SGMS1: variants seen among roughly 807,000 people sequenced by gnomAD.
SGMS1 encodes sphingomyelin synthase 1.
SGMS1 carries 13 observed loss-of-function variants against 46.2 expected under a neutral mutation model. The ratio of observed to expected loss-of-function variants is 0.28; its 90% CI spans 0.18 to 0.45. The LOEUF (loss-of-function observed/expected upper bound fraction) is 0.45, where lower values mean the gene tolerates loss of function less well. Among genes scored for constraint, SGMS1 ranks in the 20% least tolerant of loss-of-function variants. The pLI is 1.00. For synonymous variants in SGMS1, 203 were observed against 187.8 expected, an observed-to-expected ratio of 1.08 and a Z score of -0.66; for missense variants, 324 against 519.9, an observed-to-expected ratio of 0.62 and a Z score of 3.66.
intron 3 of SGMS1, among the ~76,000 whole-genome samples, chr10:50,515,135 A>C (rs569108557): frequency 2.0e-5 from 3 of 152,328 alleles, no homozygotes; most frequent in East Asian, 3.9e-4. Context: ...CAAATGGCCA[A>C]GTGTCCCAGT....
rs145744236 is a variant in SGMS1, at chr10:50,618,010, C to T, written c.-684+5697G>A. On this transcript the variant is annotated intron_variant, in intron 1 of 10. Transcript: ENST00000361781. Reference sequence around the variant, plus strand: ...TGGCATTACAGGCATTGAGCCACCACGCTCAGCCTTAATAACTCTTAATAA... The same window carrying T: ...TGGCATTACAGGCATTGAGCCACCATGCTCAGCCTTAATAACTCTTAATAA... Among the ~76,000 whole-genome samples the T allele has an allele frequency of 4.1e-4, 62 of 151,994 alleles. 1 individual carries two copies. Among genetic ancestry groups the T allele is most frequent in the African/African-American group, 1.4e-3 (56 of 41,438 alleles).
At chr10:50,442,155 T>A (rs1849554053) in intron 5 of SGMS1, among the ~76,000 whole-genome samples, 1 of 151,926 alleles carries the variant, frequency 6.6e-6, no homozygotes, top group African/African-American at 2.4e-5. Flanking sequence ...AGGGCGTTCA[T>A]TCAATAATAC....
chr10:50,509,460 C>CAT (rs898739803), intron 3 of SGMS1, among the ~76,000 whole-genome samples: 7 of 152,084 alleles, frequency 4.6e-5, no homozygotes, highest in African/African-American at 7.2e-5. Flanking sequence ...TATACATACA[C>CAT]ATATATATAT....
At chr10:50,590,501 T>C (rs188869585) in intron 1 of SGMS1, among the ~76,000 whole-genome samples, 19 of 152,308 alleles carry the variant, frequency 1.2e-4, no homozygotes, top group South Asian at 4.1e-4. Context: ...TCTTTTTTTT[T>C]CCCTCCAACT....
intron 3 of SGMS1, among the ~76,000 whole-genome samples, chr10:50,514,500 T>A (rs1399575167): frequency 6.6e-6 from 1 of 152,168 alleles, no homozygotes; most frequent in East Asian, 1.9e-4. Context: ...CCTGGACAAT[T>A]CAGGATGTGC....
chr10:50,365,335 A>T (rs534633651), intron 6 of SGMS1, among the ~76,000 whole-genome samples: 1 of 150,846 alleles, frequency 6.6e-6, no homozygotes, highest in Admixed American at 6.7e-5. Flanking sequence ...TAGTGTTGGT[A>T]ACAAATTGAT....
intron 1 of SGMS1, among the ~76,000 whole-genome samples, chr10:50,602,541 T>G (rs1309026453): frequency 6.6e-6 from 1 of 152,234 alleles, no homozygotes; most frequent in African/African-American, 2.4e-5. Flanking sequence ...AGTGTTTATT[T>G]GGAGCCTGCC....
At chr10:50,476,097 C>CAAAAAAAAAAAAA (rs58641986) in intron 3 of SGMS1, among the ~76,000 whole-genome samples, 9 of 43,314 alleles carry the variant, frequency 2.1e-4, no homozygotes, top group Admixed American at 1.4e-3. Context: ...ACTAAAAATA[C>CAAAAAAAAAAAAA]AAAAAAAAAA....
chr10:50,501,469 T>A (rs1470123436), intron 3 of SGMS1, among the ~76,000 whole-genome samples: 1 of 152,234 alleles, frequency 6.6e-6, no homozygotes, highest in Non-Finnish European at 1.5e-5. Flanking sequence ...GTGAAATACG[T>A]TTGATTTTTT....
intron 1 of SGMS1, among the ~76,000 whole-genome samples, chr10:50,620,356 C>A (rs1433397555): frequency 6.6e-6 from 1 of 152,206 alleles, no homozygotes; most frequent in Non-Finnish European, 1.5e-5. Context: ...TCTTGAAGAC[C>A]AGCATGTCAT....
At chr10:50,496,471 C>T (rs1242321832) in intron 3 of SGMS1, among the ~76,000 whole-genome samples, 8 of 152,174 alleles carry the variant, frequency 5.3e-5, no homozygotes, top group Non-Finnish European at 1.5e-5. Context: ...CTATGCCCAT[C>T]ACCAAACACT....
At chr10:50,473,259 G>T (rs1390709936) in intron 3 of SGMS1, among the ~76,000 whole-genome samples, 1 of 152,170 alleles carries the variant, frequency 6.6e-6, no homozygotes, top group Non-Finnish European at 1.5e-5. Context: ...ACAAGCATGG[G>T]TTATGTCATA....
chr10:50,405,027 T>C (rs1034906017), intron 6 of SGMS1, among the ~76,000 whole-genome samples: 1 of 152,176 alleles, frequency 6.6e-6, no homozygotes, highest in Admixed American at 6.5e-5. Context: ...GACGCAGATA[T>C]GTGCCAAAAT....
At chr10:50,571,827 C>A (rs1358283112) in intron 2 of SGMS1, among the ~76,000 whole-genome samples, 1 of 152,040 alleles carries the variant, frequency 6.6e-6, no homozygotes, top group African/African-American at 2.4e-5. Flanking sequence ...CACTCCGAGG[C>A]AAATGGCATC....
intron 3 of SGMS1, among the ~76,000 whole-genome samples, chr10:50,512,572 G>A (rs1275048158): frequency 6.6e-6 from 1 of 152,150 alleles, no homozygotes; most frequent in East Asian, 1.9e-4. Flanking sequence ...CAGTCCATGA[G>A]GGCTGGGTCC....
chr10:50,530,030 A>C (rs1020850298), intron 2 of SGMS1, among the ~76,000 whole-genome samples: 1 of 152,168 alleles, frequency 6.6e-6, no homozygotes, highest in East Asian at 1.9e-4. Flanking sequence ...TGTATACTAA[A>C]TACTCCTAAA....
chr10:50,570,462 T>G (rs1838327207), intron 2 of SGMS1, among the ~76,000 whole-genome samples: 1 of 152,174 alleles, frequency 6.6e-6, no homozygotes, highest in South Asian at 2.1e-4. Context: ...ACCTTATGAG[T>G]ATAGCTAGTG....
chr10:50,344,084 T>C lies in SGMS1; in HGVS notation c.31A>G (p.Lys11Glu), dbSNP rs1847871867. Residue 11 changes from lysine to glutamate, a missense_variant, in exon 7 of 11, where the codon AAG becomes GAG. Coordinates refer to ENST00000361781, the MANE Select transcript of SGMS1 (RefSeq NM_147156.4). ...TTCTCCAGCAGCCAGTCTGCCACCT[T>C]CTTGGGTGACCAATAAACCACTTCC... MKEVVYWSPKKVADWLLENAM... is the reference protein window; with the variant it reads MKEVVYWSPKEVADWLLENAM... 1 of 1,612,826 alleles carries C rather than the reference T, an allele frequency of 6.2e-7. No homozygotes were observed. Among genetic ancestry groups the C allele is most frequent in the African/African-American group, 1.3e-5 (1 of 74,942 alleles).
chr10:50,467,888 G>A (rs59512026), intron 3 of SGMS1, among the ~76,000 whole-genome samples: 10,117 of 152,186 alleles, frequency 0.066, 882 homozygotes, highest in East Asian at 0.37. Context: ...AGGTCAATCT[G>A]CCAGTTCTCC....
Sources: gnomAD v4.1 joint callset for allele counts (sites outside exome capture counted in the v4.1 genomes callset) on GRCh38, gnomAD v4.1.1 for gene constraint, MANE v1.5 for transcripts, NCBI Gene and HGNC (gene_info 2026-07-23, HGNC 2026-07-21) for gene names.